The following GRM8 variants were observed in gnomAD, a reference collection of about 807,000 sequenced individuals.
GRM8 encodes glutamate metabotropic receptor 8.
A neutral mutation model predicts 87.2 loss-of-function variants in GRM8; 47 were observed. The ratio of observed to expected loss-of-function variants is 0.54; its 90% CI spans 0.43 to 0.69. GRM8 has a LOEUF of 0.69. GRM8 is among the 30% of genes least tolerant of loss of function. The pLI is 0.00. For synonymous variants in GRM8, 396 were observed against 404.5 expected (o/e 0.98, Z 0.25); for missense variants, 1,019 against 1,139.2 (o/e 0.89, Z 1.52).
At chr7:127,198,787 G>A (rs1587255734) in intron 2 of GRM8, among the ~76,000 whole-genome samples, 1 of 150,722 alleles carries the variant, frequency 6.6e-6, no homozygotes, top group Non-Finnish European at 1.5e-5. Context: ...TGACCCTCCT[G>A]CCTCAGCTTC....
intron 3 of GRM8, among the ~76,000 whole-genome samples, chr7:127,042,126 CTA>C (rs1382660021): frequency 6.6e-6 from 1 of 152,166 alleles, no homozygotes; most frequent in African/African-American, 2.4e-5. Flanking sequence ...CTTCCCCCAG[CTA>C]GGACCACCTG....
intron 8 of GRM8, among the ~76,000 whole-genome samples, chr7:126,605,306 A>C (rs1441170379): frequency 6.6e-6 from 1 of 152,214 alleles, no homozygotes; most frequent in Admixed American, 6.5e-5. Context: ...TCTCAGGTAG[A>C]CAATACATGC....
chr7:126,850,973 TA>T (rs1797159544), intron 6 of GRM8, among the ~76,000 whole-genome samples: 1 of 152,142 alleles, frequency 6.6e-6, no homozygotes, highest in Non-Finnish European at 1.5e-5. Context: ...CTCAAATTTA[TA>T]TCCCTAGTTC....
chr7:126,887,592 C>T (rs1188786499), intron 6 of GRM8, among the ~76,000 whole-genome samples: 1 of 152,024 alleles, frequency 6.6e-6, no homozygotes, highest in Non-Finnish European at 1.5e-5. Context: ...AGTGATTACC[C>T]AAGTCTCTTG....
intron 2 of GRM8, among the ~76,000 whole-genome samples, chr7:127,172,915 C>T (rs886569360): frequency 4.6e-5 from 7 of 152,064 alleles, no homozygotes; most frequent in Non-Finnish European, 8.8e-5. Flanking sequence ...TACTTTTTGT[C>T]TCATACAAGC....
intron 3 of GRM8, 80 bp from the exon 4 acceptor site, chr7:126,904,763 G>C (rs1168980297): frequency 8.2e-7 from 1 of 1,220,060 alleles, no homozygotes; most frequent in African/African-American, 1.5e-5. Flanking sequence ...CTTTATAAAA[G>C]CACATACTTC....
intron 3 of GRM8, among the ~76,000 whole-genome samples, chr7:127,041,125 G>T (rs775698978): frequency 1.3e-5 from 2 of 152,154 alleles, no homozygotes; most frequent in Non-Finnish European, 1.5e-5. Context: ...AGGCAAGGAG[G>T]GGGTAAATTA....
rs1467992597 is a variant in GRM8 at position 126,827,433 on chromosome 7, C to T, written c.1157-57368G>A. Among the ~76,000 whole-genome samples, 4 of 152,104 alleles carry T rather than the reference C, an allele frequency of 2.6e-5. No homozygotes were observed. In the East Asian group the frequency reaches 7.7e-4, roughly 29 times the overall value. On this transcript the variant is annotated intron_variant, in intron 6 of 10. Transcript: ENST00000339582. ...TCTCCTTGAAGAGGTCCTTCACGTC[C>T]CTTGTAAATTGGATTCCTAAGTATT...
rs528193482 is a variant in GRM8 at position 126,619,411 on chromosome 7, T to G, written c.1358-9913A>C. Among the ~76,000 whole-genome samples, 15 of 151,992 alleles carry G rather than the reference T, an allele frequency of 9.9e-5. No homozygotes were observed. The Middle Eastern group carries it at 0.01, about 103-fold the overall frequency. ...AGTGGGGAGGGAAAGCATTAAGAGA[T>G]ATACCGACAAGTTAATGGGTACAGC... On this transcript the variant is annotated intron_variant, in intron 7 of 10. Transcript: ENST00000339582.
chr7:127,082,229 G>A (rs914890921), intron 3 of GRM8: 13 of 152,126 alleles, frequency 8.5e-5, no homozygotes, highest in African/African-American at 2.4e-4. Context: ...ATTTTGGTCT[G>A]TTCAGGAATA....
At chr7:126,720,025 A>G (rs1165867841) in intron 7 of GRM8, among the ~76,000 whole-genome samples, 1 of 152,010 alleles carries the variant, frequency 6.6e-6, no homozygotes, top group Non-Finnish European at 1.5e-5. Flanking sequence ...TTATATCAAT[A>G]TACTATAAAC....
chr7:127,023,866 C>T (rs901956947), intron 3 of GRM8, among the ~76,000 whole-genome samples: 2 of 152,034 alleles, frequency 1.3e-5, no homozygotes, highest in Non-Finnish European at 2.9e-5. Flanking sequence ...CTATGTAACA[C>T]AAAATTTCTA....
At chr7:126,913,931 C>A (rs1803587714) in intron 3 of GRM8, among the ~76,000 whole-genome samples, 1 of 152,146 alleles carries the variant, frequency 6.6e-6, no homozygotes, top group South Asian at 2.1e-4. Flanking sequence ...CAAAACTGCA[C>A]TTATATTTAT....
At chr7:126,770,157 T>G in intron 6 of GRM8, 92 bp from the exon 7 acceptor site, 1 of 786,922 alleles carries the variant, frequency 1.3e-6, no homozygotes. Flanking sequence ...TGAGGAACAC[T>G]TAATGAGACA....
At chr7:126,978,065 A>G (rs1811185894) in intron 3 of GRM8, among the ~76,000 whole-genome samples, 1 of 152,198 alleles carries the variant, frequency 6.6e-6, no homozygotes, top group Non-Finnish European at 1.5e-5. Context: ...AATACAGGCA[A>G]CTAAGACTTA....
At chr7:126,914,762 C>A (rs188903157) in intron 3 of GRM8, among the ~76,000 whole-genome samples, 1 of 152,134 alleles carries the variant, frequency 6.6e-6, no homozygotes, top group African/African-American at 2.4e-5. Context: ...ACACTGGAAA[C>A]TCCCCAAGGA....
At chr7:126,549,751 C>A (rs368477457) in intron 8 of GRM8, among the ~76,000 whole-genome samples, 102 of 152,186 alleles carry the variant, frequency 6.7e-4, no homozygotes, top group African/African-American at 2.3e-3. Flanking sequence ...AGACACTTTA[C>A]TGGGAAAAAT....
At chr7:126,803,646 G>A (rs1586002523) in intron 6 of GRM8, among the ~76,000 whole-genome samples, 1 of 152,118 alleles carries the variant, frequency 6.6e-6, no homozygotes, top group Non-Finnish European at 1.5e-5. Flanking sequence ...TGAGATTTAA[G>A]CATTGTTCTA....
At position 126,765,183 on chromosome 7, in the gene GRM8, C is replaced by A. The variant is rs183513551; in HGVS notation, c.1357+4682G>T. On this transcript the variant is annotated intron_variant, in intron 7 of 10. Transcript: ENST00000339582. ...ATAGCTAAACCCTGGAAATGGAGAT[C>A]CTCTGCTATCCTGTGAACCTAGAAG... Among the ~76,000 whole-genome samples the A allele has an allele frequency of 2.1e-3, 320 of 152,094 alleles. 1 individual carries two copies. The highest frequency in any genetic ancestry group is 4.2e-3 in the Admixed American group (64 of 15,236).
Sources: gnomAD v4.1 joint callset for allele counts (sites outside exome capture counted in the v4.1 genomes callset) on GRCh38, gnomAD v4.1.1 for gene constraint, MANE v1.5 for transcripts, NCBI Gene and HGNC (gene_info 2026-07-23, HGNC 2026-07-21) for gene names.